ST6GALNAC1: variants seen among roughly 807,000 people sequenced by gnomAD.
The protein encoded by ST6GALNAC1 is alpha-N-acetylgalactosaminide alpha-2,6-sialyltransferase 1.
In ST6GALNAC1, 45 loss-of-function variants were observed where a neutral mutation model predicts 56.8. That is an observed-to-expected ratio of 0.79 (90% CI 0.62 to 1.02). The LOEUF (loss-of-function observed/expected upper bound fraction) is 1.02. ST6GALNAC1 is among the 50% of genes least tolerant of loss of function. The probability of loss-of-function intolerance (pLI) is 0.00; values close to 1 mark genes in which losing one functional copy is unlikely to be tolerated. For missense variants in ST6GALNAC1, 743 were observed against 754.8 expected (o/e 0.98, Z 0.18); for synonymous variants, 295 against 297.8 (o/e 0.99, Z 0.10).
chr17:76,626,150 G>A (rs1332540156), intron 6 of ST6GALNAC1, 55 bp from the exon 7 acceptor site: 2 of 1,585,980 alleles, frequency 1.3e-6, no homozygotes, highest in Non-Finnish European at 1.7e-6. Flanking sequence ...TCTGGGGTGG[G>A]CCAAGTCAGG....
chr17:76,643,090 C>T (rs566817500), intron 1 of ST6GALNAC1, among the ~76,000 whole-genome samples: 3 of 152,236 alleles, frequency 2.0e-5, no homozygotes, highest in Admixed American at 6.5e-5. Context: ...AGGGTGAGTC[C>T]GGGTCTGAAA....
At chr17:76,633,289 T>A (rs189573807) in intron 1 of ST6GALNAC1, among the ~76,000 whole-genome samples, 2,038 of 152,172 alleles carry the variant, frequency 0.013, 53 homozygotes, top group African/African-American at 0.046. Flanking sequence ...GGTGGGTGGA[T>A]CACCTGAGGT....
downstream of ST6GALNAC1, among the ~76,000 whole-genome samples, chr17:76,623,022 C>T (rs138751978): frequency 4.7e-3 from 714 of 152,138 alleles, 8 homozygotes; most frequent in African/African-American, 0.017. Flanking sequence ...CTTGAACTCC[C>T]GACCTTGTGA....
At chr17:76,619,739 A>AG in the ST6GALNAC1 span, among the ~76,000 whole-genome samples, 24 of 88,398 alleles carry the variant, frequency 2.7e-4, no homozygotes, top group African/African-American at 9.8e-4. Context: ...TAATAATGTT[A>AG]GTTTTTTTTT....
chr17:76,626,039 A>G lies in ST6GALNAC1; in HGVS notation c.1472T>C (p.Leu491Pro), dbSNP rs891061206. 17 of 1,614,208 alleles carry G rather than the reference A, an allele frequency of 1.1e-5. No homozygotes were observed. Among genetic ancestry groups the G allele is most frequent in the Admixed American group, 1.7e-5 (1 of 60,010 alleles). The change falls in exon 7 of 9, where the codon CTG becomes CCG. Residue 491 changes from leucine to proline, a missense_variant. Physicochemically the swap from Leu to Pro is moderately conservative, Grantham distance 98. Coordinates refer to ENST00000156626, the MANE Select transcript of ST6GALNAC1 (RefSeq NM_018414.5). Reference sequence around the variant, plus strand: ...CATGTATCGGAGAAAGTCTGGGTGCAGCAACAGGTACCTGTCCATGTGCAG... The same window carrying G: ...CATGTATCGGAGAAAGTCTGGGTGCGGCAACAGGTACCTGTCCATGTGCAG... ...EALHMDRYLL[L>P]HPDFLRYMKN...
chr17:76,626,219 C>A, intron 6 of ST6GALNAC1, 70 bp downstream of exon 6: 1 of 1,574,364 alleles, frequency 6.4e-7, no homozygotes, highest in Non-Finnish European at 8.7e-7. Context: ...CCCCACCTGT[C>A]CAACCCTTTA....
chr17:76,632,469 G>A (rs1353903611), intron 1 of ST6GALNAC1, among the ~76,000 whole-genome samples: 5 of 152,098 alleles, frequency 3.3e-5, no homozygotes, highest in Non-Finnish European at 5.9e-5. Context: ...CAGGAATGGC[G>A]CAGTGACTCC....
chr17:76,639,503 G>A (rs2076017846), intron 1 of ST6GALNAC1, among the ~76,000 whole-genome samples: 1 of 152,144 alleles, frequency 6.6e-6, no homozygotes, highest in Non-Finnish European at 1.5e-5. Flanking sequence ...TTGAACCTGG[G>A]AGGTGAGGTT....
At chr17:76,640,065 A>G (rs894825239) in intron 1 of ST6GALNAC1, among the ~76,000 whole-genome samples, 2 of 152,038 alleles carry the variant, frequency 1.3e-5, no homozygotes, top group African/African-American at 4.8e-5. Context: ...TCTCCTTTAC[A>G]CTGAGAATCC....
At chr17:76,635,466 CCT>C (rs1470800832) in intron 1 of ST6GALNAC1, among the ~76,000 whole-genome samples, 4 of 152,110 alleles carry the variant, frequency 2.6e-5, no homozygotes, top group South Asian at 4.1e-4. Context: ...ATGGCGAAAC[CCT>C]GTCTCTACTA....
intron 1 of ST6GALNAC1, chr17:76,637,353 A>T (rs1323740198): frequency 4.4e-5 from 7 of 160,146 alleles, no homozygotes; most frequent in African/African-American, 1.7e-4. Context: ...ATGTGAATTA[A>T]AAAAAAAAAA....
intron 1 of ST6GALNAC1, among the ~76,000 whole-genome samples, chr17:76,632,723 C>A (rs971981184): frequency 6.6e-6 from 1 of 152,126 alleles, no homozygotes; most frequent in African/African-American, 2.4e-5. Flanking sequence ...CCATATTCAA[C>A]GCGTTCGGCC....
In ST6GALNAC1 at chr17:76,625,089, C is replaced by A; in HGVS notation, c.*241G>T. On this transcript the variant is annotated 3_prime_UTR_variant, in exon 9 of 9. Transcript: ENST00000156626. Reference sequence around the variant, plus strand: ...GAATTGTGGTATTGGCCACCCATCACCCCATTTAATTAAAAATCCCTGGCC... The same window carrying A: ...GAATTGTGGTATTGGCCACCCATCAACCCATTTAATTAAAAATCCCTGGCC... 1.8e-6 allele frequency: 1 copy of A among 541,974 alleles called. No homozygotes were observed. The highest frequency in any genetic ancestry group is 1.9e-5 in the African/African-American group (1 of 52,984). 33.6% of individuals were successfully genotyped at this position (541,974 alleles called of 1,614,324 possible).
At chr17:76,618,549 G>T in the ST6GALNAC1 span, among the ~76,000 whole-genome samples, 12 of 152,026 alleles carry the variant, frequency 7.9e-5, no homozygotes, top group Non-Finnish European at 1.8e-4. Flanking sequence ...AGGTTGAGAT[G>T]GGTGGATCAC....
In ST6GALNAC1 at chr17:76,629,647, C is replaced by A. The variant is rs2075864316; in HGVS notation, c.196G>T (p.Ala66Ser). The A allele has an allele frequency of 1.2e-6, 2 of 1,613,746 alleles. No individual in the cohort carries two copies. Among genetic ancestry groups the A allele is most frequent in the Non-Finnish European group, 1.7e-6 (2 of 1,179,800 alleles). The change falls in exon 2 of 9, where the codon GCA (alanine) becomes TCA (serine). Residue 66 changes from alanine (A) to serine (S), a missense_variant. Ala to Ser is a moderately conservative substitution (Grantham distance 99, BLOSUM62 1). Transcript: ENST00000156626. ...GTTGTCCTCCTTGCCCTTGTGGGTG[C>A]CTGGGACTTAGGCTTTGCCAGGGAC... is the stretch of plus-strand genomic sequence containing the variant. Reference protein sequence around the residue: ...LQSLAKPKSQAPTRARRTTIY... With the variant: ...LQSLAKPKSQSPTRARRTTIY...
chr17:76,627,365 C>A lies in ST6GALNAC1; in HGVS notation c.1000+50G>T. ...CAGAAAGCCAGCTGCCCTCTGCCCTCTGCCCCGGCCTACTGCGCACCCACA... is the reference window on the plus strand; with the variant it reads ...CAGAAAGCCAGCTGCCCTCTGCCCTATGCCCCGGCCTACTGCGCACCCACA... On this transcript the variant is annotated intron_variant, in intron 3 of 8. Transcript: ENST00000156626. The surrounding 1 kb of genome is among the most constrained non-coding windows in gnomAD (Gnocchi z 4.4). The A allele has an allele frequency of 6.2e-7, 1 of 1,604,738 alleles. No homozygotes were observed.
chr17:76,629,644 G>T lies in ST6GALNAC1; in HGVS notation c.199C>A (p.Pro67Thr). The change falls in exon 2 of 9, where the codon CCC (proline) becomes ACC (threonine). Residue 67 changes from proline (P) to threonine (T), a missense_variant. Coordinates refer to ENST00000156626, the MANE Select transcript of ST6GALNAC1 (RefSeq NM_018414.5). The stretch of plus-strand genomic sequence containing the variant: ...ATGGTTGTCCTCCTTGCCCTTGTGG[G>T]TGCCTGGGACTTAGGCTTTGCCAGG... Reference protein sequence around the residue: ...QSLAKPKSQAPTRARRTTIYA... With the variant: ...QSLAKPKSQATTRARRTTIYA... 1 of 1,613,818 alleles carries T rather than the reference G, an allele frequency of 6.2e-7. No individual in the cohort carries two copies. Among genetic ancestry groups the T allele is most frequent in the Non-Finnish European group, 8.5e-7 (1 of 1,179,840 alleles).
intron 1 of ST6GALNAC1, chr17:76,637,562 A>G: frequency 2.5e-6 from 1 of 397,024 alleles, no homozygotes; most frequent in Non-Finnish European, 4.4e-6. Context: ...GGCTTTTCAA[A>G]AAAACAGAAC....
intron 2 of ST6GALNAC1, 53 bp downstream of exon 2, chr17:76,628,959 G>A (rs1224163307): frequency 6.7e-7 from 1 of 1,490,610 alleles, no homozygotes; most frequent in African/African-American, 1.4e-5. Context: ...CTTCCTCTCA[G>A]GAGGGGCTTC....
Sources: gnomAD v4.1 joint callset for allele counts (sites outside exome capture counted in the v4.1 genomes callset) on GRCh38, gnomAD v4.1.1 for gene constraint, Gnocchi (gnomAD v3.1) non-coding constraint, MANE v1.5 for transcripts, NCBI Gene and HGNC (gene_info 2026-07-23, HGNC 2026-07-21) for gene names.